Variants in CCDC170 observed in about 807,000 individuals in gnomAD.
CCDC170 encodes coiled-coil domain containing 170, also known as coiled-coil domain-containing protein 170.
Under a neutral mutation model 72.6 loss-of-function variants are expected in CCDC170, and 69 were observed. That is an observed-to-expected ratio of 0.95 (90% CI 0.78 to 1.16). The LOEUF is 1.16. Ranked by LOEUF, CCDC170 falls within the 50% of genes most tolerant of loss-of-function variation. The probability of loss-of-function intolerance (pLI) is 0.00; values close to 1 mark genes in which losing one functional copy is unlikely to be tolerated. For synonymous variants in CCDC170, 300 were observed against 303.9 expected (o/e 0.99, Z 0.13); for missense variants, 852 against 832.5 (o/e 1.02, Z -0.29).
In CCDC170 at chr6:151,494,137, G is replaced by A; in HGVS notation, c.9G>A (p.Leu3=). The change falls in exon 1 of 11, where the codon CTG becomes CTA. Residue 3 remains leucine (L), a synonymous_variant. Coordinates refer to ENST00000239374, the MANE Select transcript of CCDC170 (RefSeq NM_025059.4). MS[L]DCTSHIALGA... is the part of the protein sequence containing the mutation. ...CCCGGGCTCGGGTCGTCATGAGCCTGGACTGCACCAGCCATATCGCGCTGG... is the reference window on the plus strand; with the variant it reads ...CCCGGGCTCGGGTCGTCATGAGCCTAGACTGCACCAGCCATATCGCGCTGG... 1 of 1,516,100 alleles carries A rather than the reference G, an allele frequency of 6.6e-7. No homozygotes were observed. The highest frequency in any genetic ancestry group is 8.8e-7 in the Non-Finnish European group (1 of 1,138,042). The allele number at this position is 1,516,100 out of a possible 1,614,324, so 93.9% of individuals were successfully genotyped here.
intron 6 of CCDC170, among the ~76,000 whole-genome samples, chr6:151,575,943 T>A (rs1376034413): frequency 1.3e-5 from 2 of 152,212 alleles, no homozygotes; most frequent in Admixed American, 6.5e-5. Flanking sequence ...GTGACTCAGT[T>A]TACATGGAGG....
intron 6 of CCDC170, among the ~76,000 whole-genome samples, chr6:151,581,147 A>G (rs1368750978): frequency 1.3e-5 from 2 of 152,198 alleles, no homozygotes; most frequent in Non-Finnish European, 2.9e-5. Flanking sequence ...AAAATAAGAC[A>G]ACAACGTAGT....
chr6:151,531,422 G>A (rs780648591), intron 1 of CCDC170, among the ~76,000 whole-genome samples: 28 of 152,244 alleles, frequency 1.8e-4, no homozygotes, highest in Admixed American at 3.3e-4. Flanking sequence ...GGTCAACATG[G>A]TGAAACCCTG....
At chr6:151,604,010 A>G (rs1481996796) in intron 9 of CCDC170, among the ~76,000 whole-genome samples, 1 of 152,210 alleles carries the variant, frequency 6.6e-6, no homozygotes, top group Non-Finnish European at 1.5e-5. Context: ...AGCCTATATC[A>G]TGTGGCCCAA....
chr6:151,543,018 C>T (rs577449801), intron 3 of CCDC170, among the ~76,000 whole-genome samples: 98 of 151,860 alleles, frequency 6.5e-4, no homozygotes, highest in Non-Finnish European at 1.2e-3. Flanking sequence ...CTTTGAATAG[C>T]GTGAAGGAAT....
intron 7 of CCDC170, among the ~76,000 whole-genome samples, chr6:151,591,640 G>T (rs1468506389): frequency 6.6e-6 from 1 of 151,864 alleles, no homozygotes; most frequent in Non-Finnish European, 1.5e-5. Context: ...GACTACAGGT[G>T]CCCGCCACCA....
At chr6:151,558,712 G>A (rs953187957) in intron 5 of CCDC170, among the ~76,000 whole-genome samples, 5 of 152,034 alleles carry the variant, frequency 3.3e-5, no homozygotes, top group Non-Finnish European at 7.4e-5. Context: ...ATAATTATGT[G>A]GATTTATTTC....
intron 5 of CCDC170, among the ~76,000 whole-genome samples, chr6:151,557,366 G>C (rs1027548781): frequency 6.6e-6 from 1 of 150,392 alleles, no homozygotes; most frequent in Non-Finnish European, 1.5e-5. Context: ...CCGAGATCAC[G>C]CCACTGCACT....
intron 1 of CCDC170, among the ~76,000 whole-genome samples, chr6:151,527,681 G>C (rs1296673033): frequency 6.6e-6 from 1 of 152,112 alleles, no homozygotes; most frequent in East Asian, 1.9e-4. Flanking sequence ...GGGAGAAAGA[G>C]AGGGAGAGAG....
intron 6 of CCDC170, among the ~76,000 whole-genome samples, chr6:151,579,646 G>A (rs1418534380): frequency 1.3e-5 from 2 of 152,178 alleles, no homozygotes; most frequent in African/African-American, 2.4e-5. Flanking sequence ...AAACACATTT[G>A]TCCCTTATTT....
intron 1 of CCDC170, among the ~76,000 whole-genome samples, chr6:151,497,673 T>C (rs1562819560): frequency 6.6e-6 from 1 of 151,932 alleles, no homozygotes; most frequent in Non-Finnish European, 1.5e-5. Context: ...GCATTTGAAA[T>C]AACGCTACCC....
At chr6:151,607,430 C>T (rs1483088419) in intron 9 of CCDC170, among the ~76,000 whole-genome samples, 3 of 152,026 alleles carry the variant, frequency 2.0e-5, no homozygotes, top group Non-Finnish European at 4.4e-5. Flanking sequence ...ACATTTGATT[C>T]CTTTCTCTTT....
At chr6:151,609,556 A>T (rs906735885) in intron 9 of CCDC170, among the ~76,000 whole-genome samples, 3 of 152,226 alleles carry the variant, frequency 2.0e-5, no homozygotes, top group Non-Finnish European at 4.4e-5. Context: ...ACAGCAAAGC[A>T]CACTTGGAAC....
chr6:151,577,926 G>A (rs578214551), intron 6 of CCDC170, among the ~76,000 whole-genome samples: 3 of 152,252 alleles, frequency 2.0e-5, no homozygotes, highest in East Asian at 1.9e-4. Context: ...TGTCATCCAC[G>A]AAACCAGTCT....
chr6:151,595,343 A>T (rs1232124473), intron 8 of CCDC170, among the ~76,000 whole-genome samples: 2 of 152,138 alleles, frequency 1.3e-5, no homozygotes, highest in African/African-American at 4.8e-5. Flanking sequence ...GTTACCAATG[A>T]TAAATGATGT....
intron 7 of CCDC170, among the ~76,000 whole-genome samples, chr6:151,591,717 C>T (rs137949120): frequency 1.3e-5 from 2 of 152,002 alleles, no homozygotes; most frequent in Non-Finnish European, 2.9e-5. Context: ...GCATGGTCTC[C>T]ATCTCCTGAC....
At chr6:151,605,902 AT>A (rs36039695) in intron 9 of CCDC170, among the ~76,000 whole-genome samples, 114,637 of 132,564 alleles carry the variant, frequency 0.86, 49,587 homozygotes, top group East Asian at 0.97. Flanking sequence ...CTATGCCGCC[AT>A]TTTTTTTTTT....
intron 5 of CCDC170, among the ~76,000 whole-genome samples, chr6:151,552,929 G>A (rs1201639403): frequency 2.0e-5 from 3 of 151,674 alleles, no homozygotes; most frequent in Non-Finnish European, 4.4e-5. Flanking sequence ...TGGGATTACA[G>A]GCACGTGCCA....
intron 7 of CCDC170, among the ~76,000 whole-genome samples, chr6:151,587,620 T>C (rs1562291717): frequency 6.6e-6 from 1 of 152,200 alleles, no homozygotes; most frequent in Non-Finnish European, 1.5e-5. Context: ...GGAATCATCA[T>C]GCCTGCATTG....
Sources: allele counts gnomAD v4.1 joint callset (sites outside exome capture counted in the v4.1 genomes callset), GRCh38; gene constraint gnomAD v4.1.1; transcripts MANE v1.5; gene names NCBI Gene and HGNC (gene_info 2026-07-23, HGNC 2026-07-21).